The following PPM1H variants were observed in gnomAD, a reference collection of about 807,000 sequenced individuals.
PPM1H encodes protein phosphatase 1H.
A neutral mutation model predicts 54.9 loss-of-function variants in PPM1H; 27 were observed. That is an observed-to-expected ratio of 0.49 (90% CI 0.36 to 0.68). PPM1H has a LOEUF of 0.68. Ranked by LOEUF, PPM1H falls within the 30% of genes least tolerant of loss-of-function variation. The probability of loss-of-function intolerance (pLI) is 0.00; values close to 1 mark genes in which losing one functional copy is unlikely to be tolerated. For missense variants in PPM1H, 596 were observed against 667.8 expected (o/e 0.89, Z 1.19); for synonymous variants, 305 against 270.8 (o/e 1.13, Z -1.24).
rs920770366 is a variant in PPM1H, at chr12:62,844,467, G to A, written c.246-12188C>T. Among the ~76,000 whole-genome samples the A allele has an allele frequency of 2.6e-5, 4 of 152,266 alleles. No individual in the cohort carries two copies. The highest frequency in any genetic ancestry group is 1.9e-4 in the East Asian group (1 of 5,182). On this transcript the variant is annotated intron_variant, in intron 1 of 9. Transcript: ENST00000228705. This position sits in a 1 kb window ranked among gnomAD's most constrained non-coding sequence, Gnocchi z 5.2. ...CTGCATGCTACATGATTCAGGCTAC[G>A]TAGCCACATTCCCCTCAAGGCTCAA... is the stretch of plus-strand genomic sequence containing the variant.
intron 4 of PPM1H, among the ~76,000 whole-genome samples, chr12:62,751,474 T>G (rs2076442529): frequency 6.6e-6 from 1 of 152,242 alleles, no homozygotes. Context: ...TGACCAGTTC[T>G]TCATGCTCAG....
At chr12:62,826,463 T>C (rs1489471777) in intron 2 of PPM1H, among the ~76,000 whole-genome samples, 1 of 152,010 alleles carries the variant, frequency 6.6e-6, no homozygotes, top group Non-Finnish European at 1.5e-5. Context: ...AAAGAAGTCA[T>C]CTCGTTGCTA....
chr12:62,792,395 A>C (rs1329492233), intron 3 of PPM1H, among the ~76,000 whole-genome samples: 1 of 152,190 alleles, frequency 6.6e-6, no homozygotes, highest in African/African-American at 2.4e-5. Context: ...CCCCCTGAAT[A>C]AGGAATGCTA....
At chr12:62,834,189 C>T (rs1294844930) in intron 1 of PPM1H, among the ~76,000 whole-genome samples, 1 of 152,016 alleles carries the variant, frequency 6.6e-6, no homozygotes, top group Non-Finnish European at 1.5e-5. Context: ...AAATTGGCCT[C>T]GGGGGCTTAT....
intron 1 of PPM1H, among the ~76,000 whole-genome samples, chr12:62,855,040 G>A (rs1019814833): frequency 1.2e-4 from 18 of 152,052 alleles, no homozygotes; most frequent in Non-Finnish European, 2.5e-4. Context: ...AAACACAGGA[G>A]AGTCAGCAAA....
At chr12:62,702,285 C>G (rs974846257) in intron 6 of PPM1H, among the ~76,000 whole-genome samples, 1 of 152,160 alleles carries the variant, frequency 6.6e-6, no homozygotes. Flanking sequence ...CTTAGTACCA[C>G]GTCAGAATGG....
chr12:62,834,957 G>C (rs1023194156), intron 1 of PPM1H, among the ~76,000 whole-genome samples: 1 of 152,112 alleles, frequency 6.6e-6, no homozygotes, highest in Non-Finnish European at 1.5e-5. Flanking sequence ...TGGGGGTTCA[G>C]CTGGGAAAAC....
intron 1 of PPM1H, among the ~76,000 whole-genome samples, chr12:62,878,147 C>T (rs1870249841): frequency 6.6e-6 from 1 of 152,204 alleles, no homozygotes; most frequent in Admixed American, 6.5e-5. Context: ...ATCCACCCAC[C>T]TCGGCCTCCC....
rs138355471 is a variant in PPM1H at position 62,686,776 on chromosome 12, G to A, written c.1245+2923C>T. Among the ~76,000 whole-genome samples, 393 of 152,280 alleles carry A rather than the reference G, an allele frequency of 2.6e-3. 1 individual carries two copies. Among genetic ancestry groups the A allele is most frequent in the African/African-American group, 8.9e-3 (369 of 41,554 alleles). On this transcript the variant is annotated intron_variant, in intron 8 of 9. Transcript: ENST00000228705. ...TCCTGGGTGATACCAGGAAATGTGT[G>A]TATCTTCCATGCCCAACATTTACTA...
intron 8 of PPM1H, among the ~76,000 whole-genome samples, chr12:62,669,357 C>A (rs149600426): frequency 6.6e-6 from 1 of 152,294 alleles, no homozygotes; most frequent in East Asian, 1.9e-4. Context: ...TATTAATGTG[C>A]ACAGAAGTCA....
intron 9 of PPM1H, chr12:62,658,886 C>T (rs1478523673): frequency 7.8e-6 from 5 of 640,212 alleles, no homozygotes; most frequent in Non-Finnish European, 1.5e-5. Context: ...GTTCATCCAG[C>T]ACCAGTCTGA....
In PPM1H at chr12:62,682,861, G is replaced by A. The variant is rs142325497; in HGVS notation, c.1245+6838C>T. Among the ~76,000 whole-genome samples the A allele has an allele frequency of 1.5e-3, 232 of 149,798 alleles. 4 individuals are homozygous for A. The East Asian group carries it at 0.038, about 25-fold the overall frequency. On this transcript the variant is annotated intron_variant, in intron 8 of 9. Coordinates refer to ENST00000228705, the MANE Select transcript of PPM1H (RefSeq NM_020700.2). ...GTGGGAAACAGGGTCTTTCTCTGTC[G>A]CCCAGGCTGGGGTGCAGTGGCACAA...
chr12:62,934,897 C>CTAGTG lies in PPM1H; in HGVS notation c.-162_-161insCACTA. ...TCCCAGAGCCTAGTGCTGCAGGGGG[C>CTAGTG]CGAGCCCCGGCCTCTCGTGCTTAGT... On this transcript the variant is annotated 5_prime_UTR_variant, in exon 1 of 10. It removes the in-frame stop codon of an upstream open reading frame in the 5' UTR. Transcript: ENST00000228705. This position sits in a 1 kb window ranked among gnomAD's most constrained non-coding sequence, Gnocchi z 4.2. 1 of 575,584 alleles carries CTAGTG rather than the reference C, an allele frequency of 1.7e-6. No homozygotes were observed. Among genetic ancestry groups the CTAGTG allele is most frequent in the Non-Finnish European group, 2.5e-6 (1 of 405,328 alleles). 35.7% of individuals were successfully genotyped at this position (575,584 alleles called of 1,614,324 possible).
chr12:62,718,993 G>T (rs151121744), intron 6 of PPM1H, among the ~76,000 whole-genome samples: 76 of 152,244 alleles, frequency 5.0e-4, no homozygotes, highest in African/African-American at 1.7e-3. Context: ...CAAACAAATG[G>T]GTGTAGCTAT....
At chr12:62,681,813 G>A (rs1030439696) in intron 8 of PPM1H, among the ~76,000 whole-genome samples, 14 of 152,068 alleles carry the variant, frequency 9.2e-5, no homozygotes, top group Non-Finnish European at 1.8e-4. Flanking sequence ...AAACACCACC[G>A]GACTCATGAT....
At chr12:62,769,738 T>C (rs1292426369) in intron 4 of PPM1H, among the ~76,000 whole-genome samples, 1 of 152,152 alleles carries the variant, frequency 6.6e-6, no homozygotes. Context: ...TTTTGCCAAC[T>C]TAAGTTAAGG....
intron 1 of PPM1H, among the ~76,000 whole-genome samples, chr12:62,933,457 G>A (rs929109658): frequency 6.6e-6 from 1 of 152,142 alleles, no homozygotes; most frequent in Non-Finnish European, 1.5e-5. Flanking sequence ...GCCGTGCACG[G>A]ATAGGGGAGG....
intron 7 of PPM1H, 113 bp from the exon 8 acceptor site, chr12:62,689,919 A>G: frequency 1.5e-6 from 1 of 672,970 alleles, no homozygotes; most frequent in Admixed American, 2.5e-5. Flanking sequence ...CCTCCTGCCC[A>G]GATATGTTTC....
intron 4 of PPM1H, among the ~76,000 whole-genome samples, chr12:62,785,455 GCGTGAACCA>G (rs2076665709): frequency 6.6e-6 from 1 of 152,232 alleles, no homozygotes; most frequent in South Asian, 2.1e-4. Context: ...GGGATTATAG[GCGTGAACCA>G]CCACGCCCGG....
Sources: allele counts gnomAD v4.1 joint callset (sites outside exome capture counted in the v4.1 genomes callset), GRCh38; gene constraint gnomAD v4.1.1; non-coding constraint Gnocchi (gnomAD v3.1); transcripts MANE v1.5; gene names NCBI Gene and HGNC (gene_info 2026-07-23, HGNC 2026-07-21).